Variants in PLA2R1 observed in about 807,000 individuals in gnomAD.
PLA2R1 encodes phospholipase A2 receptor 1, also known as secretory phospholipase A2 receptor.
A neutral mutation model predicts 195.9 loss-of-function variants in PLA2R1; 158 were observed. The ratio of observed to expected loss-of-function variants is 0.81; its 90% CI spans 0.71 to 0.92. The LOEUF is 0.92. Among genes scored for constraint, PLA2R1 ranks in the 40% least tolerant of loss-of-function variants. The pLI is 0.00. For missense variants in PLA2R1, 1,626 were observed against 1,764.6 expected (o/e 0.92, Z 1.41); for synonymous variants, 586 against 598.2 (o/e 0.98, Z 0.30).
At chr2:160,062,035 C>T (rs1348056598) in intron 1 of PLA2R1, among the ~76,000 whole-genome samples, 1 of 152,046 alleles carries the variant, frequency 6.6e-6, no homozygotes, top group Non-Finnish European at 1.5e-5. Flanking sequence ...GAGACCAAGC[C>T]CCCCCGCCCC....
intron 10 of PLA2R1, among the ~76,000 whole-genome samples, chr2:160,009,942 T>C (rs1692245320): frequency 6.6e-6 from 1 of 151,684 alleles, no homozygotes; most frequent in African/African-American, 2.4e-5. Flanking sequence ...AACCTGTCTC[T>C]GTAAAAAATT....
intron 7 of PLA2R1, among the ~76,000 whole-genome samples, chr2:160,022,390 T>C (rs1430481203): frequency 3.3e-5 from 5 of 152,122 alleles, no homozygotes; most frequent in Non-Finnish European, 5.9e-5. Flanking sequence ...TTTAGGTTTT[T>C]CATTAGAAGT....
chr2:160,021,830 C>T (rs1380138357), intron 7 of PLA2R1, among the ~76,000 whole-genome samples: 4 of 152,016 alleles, frequency 2.6e-5, no homozygotes, highest in African/African-American at 9.7e-5. Flanking sequence ...GGAGCAAAAC[C>T]TCTTAAAGGC....
chr2:160,062,615 T>C lies in PLA2R1; in HGVS notation c.-212A>G, dbSNP rs1696046841. 3 of 843,558 alleles carry C rather than the reference T, an allele frequency of 3.6e-6. No individual in the cohort carries two copies. In the South Asian group the frequency reaches 9.0e-5, roughly 25 times the overall value. 52.3% of individuals were successfully genotyped at this position (843,558 alleles called of 1,614,324 possible). A position where few individuals can be genotyped will look rare whatever the true frequency, so the allele number is the denominator to read the frequency against. Reference sequence around the variant, plus strand: ...CACAGTGAACCGACACTCGGGGCTCTGGGCTGGGATGCGGGAAAGTCGCGG... The same window carrying C: ...CACAGTGAACCGACACTCGGGGCTCCGGGCTGGGATGCGGGAAAGTCGCGG... On this transcript the variant is annotated 5_prime_UTR_variant, in exon 1 of 30. Coordinates refer to ENST00000283243, the MANE Select transcript of PLA2R1 (RefSeq NM_007366.5).
chr2:160,049,879 T>C (rs1511218), intron 1 of PLA2R1, among the ~76,000 whole-genome samples: 45,960 of 151,664 alleles, frequency 0.3, 8,742 homozygotes, highest in Non-Finnish European at 0.42. Flanking sequence ...TAAAAACAAG[T>C]GATAACACTT....
chr2:160,025,521 A>T (rs990143088), intron 6 of PLA2R1, among the ~76,000 whole-genome samples: 3 of 151,108 alleles, frequency 2.0e-5, no homozygotes, highest in Non-Finnish European at 4.4e-5. Flanking sequence ...ACTAAAGTTA[A>T]GCAGTTATCA....
rs1336243269 is a variant in PLA2R1 at position 159,933,991 on chromosome 2, TA to T, written c.*7786del. 6.6e-6 allele frequency: 1 copy of T among 152,194 alleles called. No homozygotes were observed. The highest frequency in any genetic ancestry group is 2.4e-5 in the African/African-American group (1 of 41,452). 9.4% of individuals were successfully genotyped at this position (152,194 alleles called of 1,614,324 possible). The stretch of plus-strand genomic sequence containing the variant: ...CATCCCAATAACTTTATTTCCAAAA[TA>T]GGCTGCAGGCTGGATTTGGCCCTGC... On this transcript the variant is annotated 3_prime_UTR_variant, in exon 30 of 30. Transcript: ENST00000283243.
rs749609680 is a variant in PLA2R1, at chr2:159,949,714, C to A, written c.3603G>T (p.Glu1201Asp). Residue 1201 changes from glutamate (E) to aspartate (D), a missense_variant, in exon 25 of 30, where the codon GAG (glutamate) becomes GAT (aspartate). Physicochemically the swap from Glu to Asp is conservative, Grantham distance 45. Coordinates refer to ENST00000283243, the MANE Select transcript of PLA2R1 (RefSeq NM_007366.5). ...CGCAGTCACCAAGGAGGGAGGACTC[C>A]TCATCTTTCCAAAAAGTGAAAGAAG... ...TKSSFTFWKD[E>D]ESSLLGDCVF... The A allele has an allele frequency of 3.1e-6, 5 of 1,613,640 alleles. No individual in the cohort carries two copies. Among genetic ancestry groups the A allele is most frequent in the Non-Finnish European group, 3.4e-6 (4 of 1,179,678 alleles).
At chr2:160,021,853 T>G (rs17830558) in intron 7 of PLA2R1, among the ~76,000 whole-genome samples, 59,666 of 152,024 alleles carry the variant, frequency 0.39, 14,624 homozygotes, top group Non-Finnish European at 0.55. Context: ...TGAAATGGAG[T>G]TGCTGCAAAA....
chr2:159,997,887 C>T (rs542523905), intron 11 of PLA2R1, among the ~76,000 whole-genome samples: 1 of 152,250 alleles, frequency 6.6e-6, no homozygotes, highest in Admixed American at 6.5e-5. Context: ...TTCTTATATG[C>T]TCGTCTGGGA....
rs1210872816 is a variant in PLA2R1, at chr2:159,940,048, A to C, written c.*1730T>G. ...GAAGCTGGATTAACTGTTGCAGGCC[A>C]CAAGGATTCCATTCTTAGTGGTATG... On this transcript the variant is annotated 3_prime_UTR_variant, in exon 30 of 30. Transcript: ENST00000283243. 6.6e-6 allele frequency: 1 copy of C among 152,238 alleles called. No individual in the cohort carries two copies. The highest frequency in any genetic ancestry group is 2.4e-5 in the African/African-American group (1 of 41,454). The allele number at this position is 152,238 out of a possible 1,614,324, so 9.4% of individuals were successfully genotyped here.
In PLA2R1 at chr2:159,955,771, T is replaced by A. The variant is rs756410743; in HGVS notation, c.3080A>T (p.Asn1027Ile). ...QTTSVWIGLQ[N>I]DDYETWLNGK... ...ATTTAGCCATGTTTCATAATCATCA[T>A]TTTGTAAACCTATCCACACACTGGT... Residue 1027 changes from asparagine to isoleucine, a missense_variant, in exon 22 of 30, where the codon AAT becomes ATT. Coordinates refer to ENST00000283243, the MANE Select transcript of PLA2R1 (RefSeq NM_007366.5). 1 of 1,595,566 alleles carries A rather than the reference T, an allele frequency of 6.3e-7. No homozygotes were observed. Among genetic ancestry groups the A allele is most frequent in the Admixed American group, 1.7e-5 (1 of 59,050 alleles).
intron 10 of PLA2R1, among the ~76,000 whole-genome samples, chr2:160,011,316 A>G (rs1382341062): frequency 8.5e-5 from 13 of 152,092 alleles, no homozygotes; most frequent in Admixed American, 7.9e-4. Context: ...GTGCTATTCT[A>G]CCTTCTTCAC....
chr2:160,051,426 C>G (rs935582269), intron 1 of PLA2R1, among the ~76,000 whole-genome samples: 1 of 152,240 alleles, frequency 6.6e-6, no homozygotes, highest in Non-Finnish European at 1.5e-5. Flanking sequence ...TTGACTCTGT[C>G]CATTTCCTTG....
rs763451599 is a variant in PLA2R1, at chr2:159,977,336, C to A, written c.2349G>T (p.Leu783Phe). 2.5e-6 allele frequency: 4 copies of A among 1,613,086 alleles called. No homozygotes were observed. The East Asian group carries it at 6.7e-5, about 27-fold the overall frequency. The change falls in exon 15 of 30, where the codon TTG becomes TTT. Residue 783 changes from leucine to phenylalanine, a missense_variant. Coordinates refer to ENST00000283243, the MANE Select transcript of PLA2R1 (RefSeq NM_007366.5). ...NCAVYKANKT[L>F]LPLHCGSKRE... ...GTTTGGAACCACAGTGTAAGGGCAG[C>A]AATGTTTTGTTTGCCTTATAAACAG...
chr2:159,976,586 C>G, intron 16 of PLA2R1, 99 bp downstream of exon 16: 1 of 769,502 alleles, frequency 1.3e-6, no homozygotes, highest in South Asian at 1.6e-5. Flanking sequence ...AAGAGAGGCT[C>G]GATTTGAGAA....
At chr2:160,020,966 G>A (rs1693068495) in intron 7 of PLA2R1, among the ~76,000 whole-genome samples, 1 of 152,132 alleles carries the variant, frequency 6.6e-6, no homozygotes, top group Admixed American at 6.5e-5. Context: ...TCTGGTTTCT[G>A]CTAGAACCAT....
intron 1 of PLA2R1, among the ~76,000 whole-genome samples, chr2:160,050,442 C>T (rs1559015731): frequency 6.6e-6 from 1 of 150,786 alleles, no homozygotes; most frequent in African/African-American, 2.4e-5. Context: ...CACTCTTTCA[C>T]TTTTTTTTTT....
intron 20 of PLA2R1, among the ~76,000 whole-genome samples, chr2:159,964,237 G>A (rs1688639518): frequency 6.6e-6 from 1 of 152,186 alleles, no homozygotes; most frequent in Non-Finnish European, 1.5e-5. Flanking sequence ...AGGGGATGGG[G>A]AACAGGAAGT....
Sources: gnomAD v4.1 joint callset for allele counts (sites outside exome capture counted in the v4.1 genomes callset) on GRCh38, gnomAD v4.1.1 for gene constraint, MANE v1.5 for transcripts, NCBI Gene and HGNC (gene_info 2026-07-23, HGNC 2026-07-21) for gene names.